SUGP2: variants seen among roughly 807,000 people sequenced by gnomAD.
SUGP2 encodes SURP and G-patch domain containing 2.
In SUGP2, 24 loss-of-function variants were observed where a neutral mutation model predicts 90.5. The ratio of observed to expected loss-of-function variants is 0.27; its 90% CI spans 0.19 to 0.37. The LOEUF (loss-of-function observed/expected upper bound fraction) is 0.37, where lower values mean the gene tolerates loss of function less well. Among genes scored for constraint, SUGP2 ranks in the 10% least tolerant of loss-of-function variants. SUGP2 has a pLI of 1.00. For missense variants in SUGP2, 1,233 were observed against 1,363.3 expected (o/e 0.90, Z 1.51); for synonymous variants, 473 against 513.4 (o/e 0.92, Z 1.06).
intron 7 of SUGP2, among the ~76,000 whole-genome samples, chr19:19,003,302 G>A (rs1161199698): frequency 6.6e-6 from 1 of 152,146 alleles, no homozygotes; most frequent in Non-Finnish European, 1.5e-5. Flanking sequence ...CCCACAATGG[G>A]GCACCATTCA....
At chr19:19,020,600 C>T (rs950024976) in intron 3 of SUGP2, among the ~76,000 whole-genome samples, 5 of 151,466 alleles carry the variant, frequency 3.3e-5, no homozygotes, top group Admixed American at 1.3e-4. Context: ...TGCGCCACCA[C>T]GTACAGCTTT....
At chr19:18,999,620 G>T (rs1192985822) in intron 8 of SUGP2, among the ~76,000 whole-genome samples, 1 of 152,178 alleles carries the variant, frequency 6.6e-6, no homozygotes, top group Non-Finnish European at 1.5e-5. Flanking sequence ...ACTCGGGAAG[G>T]TCCCTCCTTC....
intron 3 of SUGP2, among the ~76,000 whole-genome samples, chr19:19,021,421 C>T (rs1017884234): frequency 6.6e-6 from 1 of 151,832 alleles, no homozygotes; most frequent in Non-Finnish European, 1.5e-5. Flanking sequence ...TCATGGCTCT[C>T]TTTTTACAGA....
intron 2 of SUGP2, among the ~76,000 whole-genome samples, chr19:19,028,657 C>T (rs932258555): frequency 6.6e-6 from 1 of 152,138 alleles, no homozygotes; most frequent in African/African-American, 2.4e-5. Context: ...AATCACCTAG[C>T]ATACTGCTAG....
Position 19,025,981 on chromosome 19 carries a change from T to C in SUGP2, c.367A>G (p.Ile123Val), listed in dbSNP as rs1436713804. Residue 123 changes from isoleucine (I) to valine (V), a missense_variant, in exon 3 of 11, where the codon ATT (isoleucine) becomes GTT (valine). This residue lies in a region of SUGP2 where 418 missense variants were observed against 399.9 expected (regional missense o/e 1.05). Transcript: ENST00000452918. ...AAATGCCCCAATTTCCGGTGGCCAA[T>C]GACCTGGTCCCGAGAATCAGAGTGA... is the stretch of plus-strand genomic sequence containing the variant. ...FSHSDSRDQV[I>V]GHRKLGHFRS... 1 of 1,614,034 alleles carries C rather than the reference T, an allele frequency of 6.2e-7. No homozygotes were observed. The highest frequency in any genetic ancestry group is 8.5e-7 in the Non-Finnish European group (1 of 1,180,044).
chr19:19,031,690 G>A (rs1482858782), intron 1 of SUGP2, among the ~76,000 whole-genome samples: 4 of 151,996 alleles, frequency 2.6e-5, no homozygotes, highest in African/African-American at 9.7e-5. Flanking sequence ...GGGACAGAGC[G>A]AGACTGTCTC....
At chr19:18,999,408 C>T (rs2057742379) in intron 8 of SUGP2, among the ~76,000 whole-genome samples, 1 of 152,180 alleles carries the variant, frequency 6.6e-6, no homozygotes, top group Admixed American at 6.5e-5. Context: ...TCCCATTTTA[C>T]AGACAAATCC....
intron 4 of SUGP2, among the ~76,000 whole-genome samples, chr19:19,014,224 C>G (rs989506680): frequency 2.0e-5 from 3 of 152,136 alleles, no homozygotes; most frequent in Non-Finnish European, 4.4e-5. Context: ...AATTCCTGAC[C>G]TCATGCGGCC....
At chr19:19,008,215 G>C (rs1002106791) in intron 6 of SUGP2, 102 bp downstream of exon 6, 5 of 975,102 alleles carry the variant, frequency 5.1e-6, no homozygotes, top group African/African-American at 4.8e-5. Flanking sequence ...GAAACAGGAG[G>C]ATCACTTGAG....
At chr19:19,009,633 C>T (rs567821933) in intron 5 of SUGP2, among the ~76,000 whole-genome samples, 18 of 152,340 alleles carry the variant, frequency 1.2e-4, no homozygotes, top group African/African-American at 3.1e-4. Context: ...CTCATACCAG[C>T]TCCGCTCTCA....
chr19:19,028,729 C>T (rs542936077), intron 2 of SUGP2, among the ~76,000 whole-genome samples: 2 of 152,142 alleles, frequency 1.3e-5, no homozygotes, highest in Admixed American at 6.5e-5. Flanking sequence ...GACGGAGTCT[C>T]GTTCTGTCAC....
At chr19:19,002,860 T>A (rs974050721) in intron 7 of SUGP2, among the ~76,000 whole-genome samples, 6 of 152,094 alleles carry the variant, frequency 3.9e-5, no homozygotes, top group Non-Finnish European at 7.4e-5. Flanking sequence ...TGAGAGCTTC[T>A]AATGCAGAAA....
intron 3 of SUGP2, among the ~76,000 whole-genome samples, chr19:19,023,777 C>T (rs1033934100): frequency 1.3e-5 from 2 of 151,950 alleles, no homozygotes; most frequent in Non-Finnish European, 2.9e-5. Flanking sequence ...GCCTATAGTC[C>T]CAGCTACTCA....
intron 9 of SUGP2, chr19:18,994,868 C>T (rs2057510803): frequency 3.5e-6 from 2 of 569,236 alleles, no homozygotes; most frequent in African/African-American, 1.9e-5. Flanking sequence ...GGAAACTACA[C>T]AGAAATACCA....
At chr19:18,996,306 G>C (rs1054405269) in intron 8 of SUGP2, among the ~76,000 whole-genome samples, 1 of 152,242 alleles carries the variant, frequency 6.6e-6, no homozygotes, top group African/African-American at 2.4e-5. Context: ...GGAGGCATGA[G>C]AATCGCCTGA....
chr19:19,006,593 G>A (rs1124921), intron 6 of SUGP2, among the ~76,000 whole-genome samples: 114,388 of 152,088 alleles, frequency 0.75, 43,221 homozygotes, highest in East Asian at 0.89. Flanking sequence ...AAAAAAGAAA[G>A]TGAAAAAGAA....
At chr19:19,006,321 A>T (rs1272359816) in intron 6 of SUGP2, among the ~76,000 whole-genome samples, 1 of 152,180 alleles carries the variant, frequency 6.6e-6, no homozygotes, top group Non-Finnish European at 1.5e-5. Flanking sequence ...TTAGAATTAA[A>T]TTTTTTCTAA....
At chr19:19,016,033 T>C (rs887051498) in intron 4 of SUGP2, among the ~76,000 whole-genome samples, 2 of 152,346 alleles carry the variant, frequency 1.3e-5, no homozygotes, top group African/African-American at 2.4e-5. Context: ...TACATATTTA[T>C]AGACTACACC....
chr19:19,023,985 G>A (rs1435290339), intron 3 of SUGP2, among the ~76,000 whole-genome samples: 1 of 152,184 alleles, frequency 6.6e-6, no homozygotes. Context: ...AACCTTGGCT[G>A]CAGAAAGGTA....
Sources: allele counts gnomAD v4.1 joint callset (sites outside exome capture counted in the v4.1 genomes callset), GRCh38; gene constraint gnomAD v4.1.1; regional missense constraint gnomAD v4.1.1; transcripts MANE v1.5; gene names NCBI Gene and HGNC (gene_info 2026-07-23, HGNC 2026-07-21).